NOTCH2NLC: variants seen among roughly 807,000 people sequenced by gnomAD.
The protein encoded by NOTCH2NLC is notch 2 N-terminal like C.
A neutral mutation model predicts 17.7 loss-of-function variants in NOTCH2NLC; 4 were observed. The ratio of observed to expected loss-of-function variants is 0.23; its 90% CI spans 0.11 to 0.52. The LOEUF (loss-of-function observed/expected upper bound fraction) is 0.52. Ranked by LOEUF, NOTCH2NLC falls within the 20% of genes least tolerant of loss-of-function variation. The pLI, the probability that NOTCH2NLC is intolerant of heterozygous loss-of-function variation, is 0.96. For synonymous variants in NOTCH2NLC, 18 were observed against 86.0 expected (o/e 0.21, Z 4.38); for missense variants, 57 against 207.2 (o/e 0.28, Z 4.45).
At chr1:149,415,185 G>A (rs2084328504) in intron 1 of NOTCH2NLC, among the ~76,000 whole-genome samples, 1 of 99,158 alleles carries the variant, frequency 1.0e-5, no homozygotes, top group Non-Finnish European at 2.0e-5. Flanking sequence ...AAATGACAGA[G>A]CAGTAGAAGG....
intron 1 of NOTCH2NLC, among the ~76,000 whole-genome samples, chr1:149,395,080 T>A (rs2084197621): frequency 6.6e-6 from 1 of 150,844 alleles, no homozygotes; most frequent in Non-Finnish European, 1.5e-5. Context: ...TCATTCACTG[T>A]CCACATTGCT....
intron 1 of NOTCH2NLC, 136 bp from the exon 2 acceptor site, chr1:149,430,806 T>G: frequency 7.1e-6 from 3 of 420,658 alleles, no homozygotes; most frequent in South Asian, 6.7e-5. Context: ...AAAAAACTGA[T>G]TAAAACTCTA....
chr1:149,424,911 G>C (rs1331282434), intron 1 of NOTCH2NLC, among the ~76,000 whole-genome samples: 1 of 151,266 alleles, frequency 6.6e-6, no homozygotes, highest in South Asian at 2.1e-4. Flanking sequence ...ACTCATTACT[G>C]TGGGTGGGCA....
At chr1:149,425,199 GA>G (rs1195730188) in intron 1 of NOTCH2NLC, among the ~76,000 whole-genome samples, 1 of 149,776 alleles carries the variant, frequency 6.7e-6, no homozygotes, top group Non-Finnish European at 1.5e-5. Flanking sequence ...ACTTAAAAGT[GA>G]AAAAGCAGAG....
At chr1:149,400,211 C>T (rs2084236615) in intron 1 of NOTCH2NLC, among the ~76,000 whole-genome samples, 1 of 135,358 alleles carries the variant, frequency 7.4e-6, no homozygotes, top group Non-Finnish European at 1.6e-5. Context: ...ATTGTCAACA[C>T]TAGGTTTTAT....
At chr1:149,419,024 C>G (rs1261087711) in intron 1 of NOTCH2NLC, among the ~76,000 whole-genome samples, 2 of 149,572 alleles carry the variant, frequency 1.3e-5, no homozygotes, top group African/African-American at 2.5e-5. Context: ...CTTTCCCTTT[C>G]CCTTCCTCTC....
At chr1:149,426,851 G>A (rs1470344707) in intron 1 of NOTCH2NLC, among the ~76,000 whole-genome samples, 4 of 149,872 alleles carry the variant, frequency 2.7e-5, no homozygotes, top group African/African-American at 9.8e-5. Context: ...GTTTTACATT[G>A]GAAAAAAGTA....
intron 1 of NOTCH2NLC, among the ~76,000 whole-genome samples, chr1:149,417,244 G>A (rs1166919615): frequency 6.0e-5 from 9 of 149,384 alleles, no homozygotes; most frequent in Admixed American, 2.0e-4. Context: ...CAAGTAGCTG[G>A]GATTACAGGT....
chr1:149,433,321 C>T, intron 2 of NOTCH2NLC, among the ~76,000 whole-genome samples: 1 of 138,858 alleles, frequency 7.2e-6, no homozygotes, highest in Non-Finnish European at 1.6e-5. Context: ...GGATGAATAC[C>T]TAATGCACGT....
Position 149,390,829 on chromosome 1 carries a change from C to CGGCGGCGGA in NOTCH2NLC, c.44_45insCGGCGGAGG (p.Gly16_Gly18dup), listed in dbSNP as rs1165196975. On this transcript the variant is annotated inframe_insertion, in exon 1 of 5. Transcript: ENST00000650865. Reference sequence around the variant, plus strand: ...GCGGCGGCGGCGGCGGCGGCGGCGGCGGAGGAGGCGGCGACCGAGAAGATG... The same window carrying CGGCGGCGGA: ...GCGGCGGCGGCGGCGGCGGCGGCGGCGGCGGCGGAGGAGGAGGCGGCGACCGAGAAGATG... 261 of 1,286,342 alleles carry CGGCGGCGGA rather than the reference C, an allele frequency of 2.0e-4. 14 individuals are homozygous for CGGCGGCGGA. Among genetic ancestry groups the CGGCGGCGGA allele is most frequent in the South Asian group, 3.8e-4 (20 of 52,664 alleles). The allele number at this position is 1,286,342 out of a possible 1,614,324, so 79.7% of individuals were successfully genotyped here.
intron 1 of NOTCH2NLC, among the ~76,000 whole-genome samples, chr1:149,417,097 C>CTTTTTTTTT (rs1171555647): frequency 8.6e-5 from 6 of 69,590 alleles, no homozygotes; most frequent in Non-Finnish European, 1.4e-4. Context: ...TCAGGTTTTC[C>CTTTTTTTTT]TTTTTTTTTT....
At chr1:149,429,993 A>G (rs1398908726) in intron 1 of NOTCH2NLC, among the ~76,000 whole-genome samples, 10 of 151,058 alleles carry the variant, frequency 6.6e-5, no homozygotes, top group Admixed American at 6.6e-5. Context: ...GATTCTTGAT[A>G]TGTATTTTGG....
chr1:149,471,729 G>A lies in NOTCH2NLC; in HGVS notation c.*7576G>A, dbSNP rs1474604669. Reference sequence around the variant, plus strand: ...GATGGTTGCAGAACTTTTGGAATATGGTAAAAGACACTGAAATATATGCTT... The same window carrying A: ...GATGGTTGCAGAACTTTTGGAATATAGTAAAAGACACTGAAATATATGCTT... On this transcript the variant is annotated 3_prime_UTR_variant, in exon 5 of 5. Coordinates refer to ENST00000650865, the MANE Select transcript of NOTCH2NLC (RefSeq NM_001364013.2). Among the ~76,000 whole-genome samples the A allele has an allele frequency of 2.7e-5, 4 of 149,282 alleles. No individual in the cohort carries two copies. The highest frequency in any genetic ancestry group is 9.9e-5 in the African/African-American group (4 of 40,548).
rs1279177927 is a variant in NOTCH2NLC at position 149,468,807 on chromosome 1, G to A, written c.*4654G>A. 1.6e-4 allele frequency among the ~76,000 whole-genome samples: 22 copies of A among 141,320 alleles called. No individual in the cohort carries two copies. The highest frequency in any genetic ancestry group is 5.4e-4 in the African/African-American group (21 of 38,626). 92.7% of individuals were successfully genotyped at this position (141,320 alleles called of 152,430 possible). A position where few individuals can be genotyped will look rare whatever the true frequency, so the allele number is the denominator to read the frequency against. On this transcript the variant is annotated 3_prime_UTR_variant, in exon 5 of 5. Coordinates refer to ENST00000650865, the MANE Select transcript of NOTCH2NLC (RefSeq NM_001364013.2). ...AGTGAGCCTGGGCGGGTGATGGAGT[G>A]GGAGATACGTGGCACAGGGGTCAGT...
intron 1 of NOTCH2NLC, among the ~76,000 whole-genome samples, chr1:149,394,763 A>G (rs2084195671): frequency 6.6e-6 from 1 of 150,922 alleles, no homozygotes; most frequent in Admixed American, 6.6e-5. Flanking sequence ...AATTTGAACT[A>G]TTAATTTTCC....
intron 3 of NOTCH2NLC, among the ~76,000 whole-genome samples, chr1:149,457,756 G>A (rs1320263733): frequency 6.3e-5 from 7 of 111,700 alleles, no homozygotes; most frequent in African/African-American, 2.4e-4. Context: ...ATGTTTTTCT[G>A]CCTGCTTTAT....
chr1:149,444,992 T>C (rs1372374271), intron 2 of NOTCH2NLC, among the ~76,000 whole-genome samples: 1 of 149,274 alleles, frequency 6.7e-6, no homozygotes, highest in African/African-American at 2.5e-5. Flanking sequence ...AGAGTGGGAA[T>C]GGCAAGAAGT....
In NOTCH2NLC at chr1:149,428,438, TAA is replaced by T. The variant is rs1368581301; in HGVS notation, c.136-2502_136-2501del. On this transcript the variant is annotated intron_variant, in intron 1 of 4. Transcript: ENST00000650865. ...TGATTGGTTCACTAAGGCTAGGCTG[TAA>T]AGTTATTTGCTAGATTGATTGCTAC... Among the ~76,000 whole-genome samples the T allele has an allele frequency of 2.3e-4, 35 of 151,192 alleles. 1 individual carries two copies. The South Asian group carries it at 7.1e-3, about 31-fold the overall frequency.
At chr1:149,394,545 T>G (rs1478346784) in intron 1 of NOTCH2NLC, among the ~76,000 whole-genome samples, 2 of 151,308 alleles carry the variant, frequency 1.3e-5, no homozygotes, top group Non-Finnish European at 3.0e-5. Context: ...TTTTCCCTTT[T>G]CTTCTGTTAT....
Sources: gnomAD v4.1 joint callset for allele counts (sites outside exome capture counted in the v4.1 genomes callset) on GRCh38, gnomAD v4.1.1 for gene constraint, MANE v1.5 for transcripts, NCBI Gene and HGNC (gene_info 2026-07-23, HGNC 2026-07-21) for gene names.